The following GREB1L variants were observed in gnomAD, a reference collection of about 807,000 sequenced individuals.
GREB1L encodes the protein GREB1-like protein.
GREB1L carries 17 observed loss-of-function variants against 200.8 expected under a neutral mutation model. The ratio of observed to expected loss-of-function variants is 0.08; its 90% CI spans 0.06 to 0.13. The LOEUF (loss-of-function observed/expected upper bound fraction) is 0.13. Ranked by LOEUF, GREB1L falls within the 10% of genes least tolerant of loss-of-function variation. The pLI is 1.00. For missense variants in GREB1L, 1,657 were observed against 2,367.7 expected (o/e 0.70, Z 6.23); for synonymous variants, 789 against 893.0 (o/e 0.88, Z 2.08).
chr18:21,427,100 C>A (rs1176222981), intron 7 of GREB1L, among the ~76,000 whole-genome samples: 1 of 151,640 alleles, frequency 6.6e-6, no homozygotes, highest in Non-Finnish European at 1.5e-5. Flanking sequence ...ATGGGGCTTA[C>A]TCTGAATCTT....
At chr18:21,408,436 A>G (rs2144649882) in intron 7 of GREB1L, among the ~76,000 whole-genome samples, 1 of 152,312 alleles carries the variant, frequency 6.6e-6, no homozygotes. Context: ...CAAATAATAG[A>G]TACAAATGGC....
At chr18:21,443,703 C>T (rs1187640783) in intron 10 of GREB1L, among the ~76,000 whole-genome samples, 2 of 152,178 alleles carry the variant, frequency 1.3e-5, no homozygotes, top group African/African-American at 4.8e-5. Flanking sequence ...CCCTTAGTAT[C>T]CCTGGGGGAT....
At chr18:21,470,667 A>T (rs1389616589) in intron 15 of GREB1L, among the ~76,000 whole-genome samples, 1 of 152,164 alleles carries the variant, frequency 6.6e-6, no homozygotes, top group African/African-American at 2.4e-5. Context: ...TTTTGTTCTT[A>T]CTTGTTTTGT....
intron 1 of GREB1L, among the ~76,000 whole-genome samples, chr18:21,346,405 T>A (rs1416921461): frequency 6.6e-6 from 1 of 151,794 alleles, no homozygotes; most frequent in Non-Finnish European, 1.5e-5. Context: ...TTTCTTTGCT[T>A]AACACTCATT....
intron 2 of GREB1L, among the ~76,000 whole-genome samples, chr18:21,379,332 G>T (rs537760201): frequency 6.6e-5 from 10 of 152,076 alleles, no homozygotes; most frequent in Non-Finnish European, 7.4e-5. Context: ...TCAGCCTCCC[G>T]AGTAGCTGGG....
At chr18:21,440,194 C>G in intron 8 of GREB1L, 75 bp from the exon 9 acceptor site, 12 of 1,428,428 alleles carry the variant, frequency 8.4e-6, no homozygotes, top group Non-Finnish European at 1.2e-5. Flanking sequence ...TTATATTACT[C>G]TGGCGTTCTT....
chr18:21,246,705 A>G (rs1013191403), intron 1 of GREB1L, among the ~76,000 whole-genome samples: 1 of 152,204 alleles, frequency 6.6e-6, no homozygotes, highest in African/African-American at 2.4e-5. Flanking sequence ...TTTTCAGTCT[A>G]TGGTAATATT....
At chr18:21,416,330 G>A (rs905777566) in intron 7 of GREB1L, among the ~76,000 whole-genome samples, 2 of 152,098 alleles carry the variant, frequency 1.3e-5, no homozygotes, top group Admixed American at 1.3e-4. Flanking sequence ...GTAATTGGAG[G>A]GCCTGAAGGT....
At chr18:21,315,915 C>T (rs867735382) in intron 1 of GREB1L, among the ~76,000 whole-genome samples, 1 of 152,266 alleles carries the variant, frequency 6.6e-6, no homozygotes, top group East Asian at 1.9e-4. Context: ...ACCCGCACAT[C>T]GAAGTCCATC....
chr18:21,515,376 T>G lies in GREB1L; in HGVS notation c.4902-41T>G, dbSNP rs774505388. ...ACACTTCACAAATGATCCTCTCTTC[T>G]GTAATATTTATCAACATCTTATATA... On this transcript the variant is annotated intron_variant, in intron 28 of 32. Transcript: ENST00000424526. 21 of 1,343,946 alleles carry G rather than the reference T, an allele frequency of 1.6e-5. No homozygotes were observed. The South Asian group carries it at 2.5e-4, about 16-fold the overall frequency. The allele number at this position is 1,343,946 out of a possible 1,614,324, so 83.3% of individuals were successfully genotyped here. A position where few individuals can be genotyped will look rare whatever the true frequency, so the allele number is the denominator to read the frequency against.
At chr18:21,260,867 G>T (rs931855216) in intron 1 of GREB1L, among the ~76,000 whole-genome samples, 18 of 151,880 alleles carry the variant, frequency 1.2e-4, no homozygotes, top group African/African-American at 3.9e-4. Context: ...AGAAGGTAGA[G>T]AATTTTAATT....
intron 17 of GREB1L, among the ~76,000 whole-genome samples, chr18:21,482,157 G>C (rs750371868): frequency 3.9e-5 from 6 of 152,196 alleles, no homozygotes; most frequent in Non-Finnish European, 5.9e-5. Context: ...TGGGAGACAT[G>C]GTACATTTTC....
intron 1 of GREB1L, among the ~76,000 whole-genome samples, chr18:21,268,400 G>A (rs931354259): frequency 6.6e-6 from 1 of 150,402 alleles, no homozygotes; most frequent in African/African-American, 2.4e-5. Flanking sequence ...GGGAATCATA[G>A]TTCTTCTTGC....
In GREB1L at chr18:21,500,222, C is replaced by T. The variant is rs1245997196; in HGVS notation, c.3885C>T (p.His1295=). The change falls in exon 22 of 33, where the codon CAC becomes CAT. Residue 1295 remains histidine (H), a synonymous_variant. Coordinates refer to ENST00000424526, the MANE Select transcript of GREB1L (RefSeq NM_001142966.3). Reference sequence around the variant, plus strand: ...AGTGGACCTTGGCCCGGCAGCACCACGCTGACTATAGCAACCAGCTGGACC... The same window carrying T: ...AGTGGACCTTGGCCCGGCAGCACCATGCTGACTATAGCAACCAGCTGGACC... ...YRQWTLARQH[H]ADYSNQLDPA... The T allele has an allele frequency of 6.5e-6, 10 of 1,536,674 alleles. 1 individual carries two copies. The highest frequency in any genetic ancestry group is 4.8e-5 in the South Asian group (4 of 83,896).
At chr18:21,403,388 T>C (rs2041396792) in intron 6 of GREB1L, among the ~76,000 whole-genome samples, 1 of 152,256 alleles carries the variant, frequency 6.6e-6, no homozygotes, top group Non-Finnish European at 1.5e-5. Context: ...TTTTCTCTAC[T>C]GCCTATACAT....
At position 21,459,586 on chromosome 18, in the gene GREB1L, C is replaced by G. The variant is rs1443646462; in HGVS notation, c.2182+5023C>G. On this transcript the variant is annotated intron_variant, in intron 15 of 32. Coordinates refer to ENST00000424526, the MANE Select transcript of GREB1L (RefSeq NM_001142966.3). ...ACAGGAGTGAGCCACCGCGCATGGCCGGCATTCTCAGTTTCTAAAAACAGA... is the reference window on the plus strand; with the variant it reads ...ACAGGAGTGAGCCACCGCGCATGGCGGGCATTCTCAGTTTCTAAAAACAGA... Among the ~76,000 whole-genome samples, 5 of 151,876 alleles carry G rather than the reference C, an allele frequency of 3.3e-5. 1 individual carries two copies. Among genetic ancestry groups the G allele is most frequent in the Non-Finnish European group, 5.9e-5 (4 of 67,978 alleles).
At chr18:21,459,801 G>A (rs1393412298) in intron 15 of GREB1L, among the ~76,000 whole-genome samples, 1 of 152,146 alleles carries the variant, frequency 6.6e-6, no homozygotes, top group Non-Finnish European at 1.5e-5. Context: ...AGGTGCCCAG[G>A]AAGAATGTAC....
intron 7 of GREB1L, among the ~76,000 whole-genome samples, chr18:21,428,747 G>A (rs2032873766): frequency 8.2e-6 from 1 of 121,900 alleles, no homozygotes; most frequent in African/African-American, 3.3e-5. Context: ...ACGGAGTGTC[G>A]CTGTTGTCAG....
chr18:21,343,921 G>A (rs557825487), intron 1 of GREB1L, among the ~76,000 whole-genome samples: 1 of 152,044 alleles, frequency 6.6e-6, no homozygotes, highest in Non-Finnish European at 1.5e-5. Flanking sequence ...AACTACAAGT[G>A]TGTACCACCA....
Sources: allele counts gnomAD v4.1 joint callset (sites outside exome capture counted in the v4.1 genomes callset), GRCh38; gene constraint gnomAD v4.1.1; transcripts MANE v1.5; gene names NCBI Gene and HGNC (gene_info 2026-07-23, HGNC 2026-07-21).